The following NLRP4 variants were observed in gnomAD, a reference collection of about 807,000 sequenced individuals.
NLRP4 encodes the protein NLR family pyrin domain containing 4, also known as NACHT, LRR and PYD domains-containing protein 4.
In NLRP4, 44 loss-of-function variants were observed where a neutral mutation model predicts 84.7. The ratio of observed to expected loss-of-function variants is 0.52; its 90% CI spans 0.41 to 0.67. NLRP4 has a LOEUF of 0.67. Ranked by LOEUF, NLRP4 falls within the 30% of genes least tolerant of loss-of-function variation. NLRP4 has a pLI of 0.00. For synonymous variants in NLRP4, 544 were observed against 476.4 expected, an observed-to-expected ratio of 1.14 and a Z score of -1.85; for missense variants, 1,260 against 1,219.4, an observed-to-expected ratio of 1.03 and a Z score of -0.50.
At chr19:55,869,974 C>T (rs536975286) in intron 6 of NLRP4, among the ~76,000 whole-genome samples, 2 of 152,144 alleles carry the variant, frequency 1.3e-5, no homozygotes, top group African/African-American at 4.8e-5. Flanking sequence ...CCTGTAGTCT[C>T]AGCTACTCAG....
intron 1 of NLRP4, among the ~76,000 whole-genome samples, chr19:55,850,426 T>TTTCC (rs1984042574): frequency 3.5e-5 from 2 of 57,646 alleles, no homozygotes; most frequent in Non-Finnish European, 5.5e-5. Context: ...TGCGGTGTAA[T>TTTCC]GTCCGTGGCT....
At chr19:55,861,784 C>T (rs1350542099) in intron 4 of NLRP4, among the ~76,000 whole-genome samples, 2 of 152,084 alleles carry the variant, frequency 1.3e-5, no homozygotes, top group Non-Finnish European at 2.9e-5. Flanking sequence ...TAATAGCATC[C>T]CCTTGTCCAG....
intron 5 of NLRP4, 149 bp downstream of exon 5, chr19:55,862,308 ACT>A (rs1984795397): frequency 2.8e-6 from 1 of 355,232 alleles, no homozygotes. Context: ...TTCAGAGAAG[ACT>A]ATAGCGTAAG....
chr19:55,872,689 A>C (rs1568673358), intron 7 of NLRP4, among the ~76,000 whole-genome samples: 8 of 152,352 alleles, frequency 5.3e-5, no homozygotes, highest in African/African-American at 1.9e-4. Context: ...AAATCATAGA[A>C]GAGGGTATAA....
chr19:55,877,055 G>A lies in NLRP4; in HGVS notation c.2585G>A (p.Ser862Asn), dbSNP rs201858845. The change falls in exon 8 of 10, where the codon AGC becomes AAC. Residue 862 changes from serine (S) to asparagine (N), a missense_variant. Ser to Asn is a conservative substitution (Grantham distance 46). Coordinates refer to ENST00000301295, the MANE Select transcript of NLRP4 (RefSeq NM_134444.5). ...GCEDLASALI[S>N]NQNLKILQIG... The stretch of plus-strand genomic sequence containing the variant: ...GAAGACCTCGCCTCTGCTCTCATCA[G>A]CAATCAAAACCTGAAGATTCTGCAA... 3.1e-6 allele frequency: 5 copies of A among 1,614,048 alleles called. No individual in the cohort carries two copies. The highest frequency in any genetic ancestry group is 1.7e-4 in the Middle Eastern group (1 of 6,060).
chr19:55,872,143 C>T (rs1568673144), intron 7 of NLRP4, among the ~76,000 whole-genome samples: 1 of 152,036 alleles, frequency 6.6e-6, no homozygotes, highest in Non-Finnish European at 1.5e-5. Context: ...CCACCGTGCC[C>T]AGCCCAAACA....
intron 5 of NLRP4, among the ~76,000 whole-genome samples, chr19:55,865,328 T>A (rs1984914691): frequency 6.6e-6 from 1 of 152,242 alleles, no homozygotes; most frequent in South Asian, 2.1e-4. Context: ...TTACTCTTTT[T>A]TATGGCTGCA....
intron 1 of NLRP4, among the ~76,000 whole-genome samples, chr19:55,837,847 A>C (rs79959546): frequency 0.038 from 5,771 of 151,906 alleles, 286 homozygotes; most frequent in East Asian, 0.22. Flanking sequence ...ACAAGCCTGG[A>C]AAACATGGCA....
At chr19:55,843,502 C>A (rs1370780866) in intron 1 of NLRP4, among the ~76,000 whole-genome samples, 1 of 151,782 alleles carries the variant, frequency 6.6e-6, no homozygotes, top group African/African-American at 2.4e-5. Flanking sequence ...ACCAGCCTGG[C>A]CAACATGGTG....
intron 2 of NLRP4, among the ~76,000 whole-genome samples, chr19:55,855,653 T>C (rs571670631): frequency 4.6e-5 from 7 of 152,346 alleles, no homozygotes; most frequent in African/African-American, 1.4e-4. Flanking sequence ...GTAACTATTA[T>C]GCGGGGCATA....
chr19:55,849,852 G>GCCGCGGTGT (rs1568657910), intron 1 of NLRP4, among the ~76,000 whole-genome samples: 3 of 91,468 alleles, frequency 3.3e-5, no homozygotes, highest in African/African-American at 1.5e-4. Context: ...TAATTTCCGA[G>GCCGCGGTGT]ACTGCGGTGT....
At chr19:55,859,918 C>G (rs1984658456) in intron 3 of NLRP4, among the ~76,000 whole-genome samples, 1 of 89,114 alleles carries the variant, frequency 1.1e-5, no homozygotes, top group Non-Finnish European at 1.9e-5. Flanking sequence ...CAGTGAGACT[C>G]TCATCTCCAA....
At chr19:55,860,030 G>C (rs560067613) in intron 3 of NLRP4, among the ~76,000 whole-genome samples, 4 of 141,880 alleles carry the variant, frequency 2.8e-5, no homozygotes, top group Admixed American at 7.3e-5. Context: ...TTGTCACCCA[G>C]GCTGGAGTGC....
chr19:55,869,200 A>G (rs148167729), intron 6 of NLRP4, among the ~76,000 whole-genome samples: 5,469 of 152,016 alleles, frequency 0.036, 218 homozygotes, highest in Middle Eastern at 0.13. Flanking sequence ...TAAAAATACA[A>G]AATACAAAAA....
chr19:55,837,425 C>G (rs1308524345), intron 1 of NLRP4, among the ~76,000 whole-genome samples: 13 of 152,110 alleles, frequency 8.5e-5, no homozygotes, highest in Non-Finnish European at 1.6e-4. Context: ...CTACTGAACA[C>G]CAGCACCTAT....
rs373479004 is a variant in NLRP4 at position 55,858,393 on chromosome 19, C to A, written c.1000C>A (p.Leu334Met). ...AFNLVRESEQ[L>M]FSICQIPLLC... is the part of the protein sequence containing the mutation. ...CAATCTTGTAAGAGAAAGTGAACAG[C>A]TGTTTTCCATATGCCAAATCCCGCT... Residue 334 changes from leucine to methionine, a missense_variant, in exon 3 of 10, where the codon CTG (leucine) becomes ATG (methionine). Coordinates refer to ENST00000301295, the MANE Select transcript of NLRP4 (RefSeq NM_134444.5). This position sits in a 1 kb window ranked among gnomAD's most constrained non-coding sequence, Gnocchi z 4.2. 4 of 1,614,060 alleles carry A rather than the reference C, an allele frequency of 2.5e-6. No individual in the cohort carries two copies. The highest frequency in any genetic ancestry group is 1.7e-5 in the Admixed American group (1 of 60,000).
intron 7 of NLRP4, among the ~76,000 whole-genome samples, chr19:55,871,633 T>C (rs1170992891): frequency 6.6e-6 from 1 of 152,158 alleles, no homozygotes; most frequent in Non-Finnish European, 1.5e-5. Context: ...CAGCGTGATT[T>C]TTACCTAATC....
intron 1 of NLRP4, among the ~76,000 whole-genome samples, chr19:55,843,692 A>G (rs1983695365): frequency 1.3e-5 from 2 of 152,142 alleles, no homozygotes; most frequent in African/African-American, 4.8e-5. Flanking sequence ...AACTGTCTCA[A>G]TTAAAAAAAT....
intron 5 of NLRP4, among the ~76,000 whole-genome samples, chr19:55,863,451 T>G (rs1165551115): frequency 1.3e-5 from 2 of 152,072 alleles, no homozygotes; most frequent in Non-Finnish European, 2.9e-5. Flanking sequence ...CAGGCACGTC[T>G]TACATGGGGG....
Sources: gnomAD v4.1 joint callset for allele counts (sites outside exome capture counted in the v4.1 genomes callset) on GRCh38, gnomAD v4.1.1 for gene constraint, Gnocchi (gnomAD v3.1) non-coding constraint, MANE v1.5 for transcripts, NCBI Gene and HGNC (gene_info 2026-07-23, HGNC 2026-07-21) for gene names.